The following NBEA variants were observed in gnomAD, a reference collection of about 807,000 sequenced individuals.
The protein encoded by NBEA is neurobeachin, also known as lysosomal-trafficking regulator 2.
In NBEA, 44 loss-of-function variants were observed where a neutral mutation model predicts 343.4. The observed-to-expected ratio is 0.13, with a 90% CI of 0.10 to 0.16. The LOEUF (loss-of-function observed/expected upper bound fraction) is 0.16. Ranked by LOEUF, NBEA falls within the 10% of genes least tolerant of loss-of-function variation. NBEA has a pLI of 1.00. For synonymous variants in NBEA, 1,175 were observed against 1,238.7 expected (o/e 0.95, Z 1.08); for missense variants, 2,555 against 3,631.3 (o/e 0.70, Z 7.62).
chr13:35,368,429 C>G (rs190051889), intron 38 of NBEA, among the ~76,000 whole-genome samples: 1 of 151,364 alleles, frequency 6.6e-6, no homozygotes. Context: ...GAATAAAATA[C>G]CTGTCAGATT....
intron 31 of NBEA, among the ~76,000 whole-genome samples, chr13:35,201,400 A>G (rs994752599): frequency 6.6e-6 from 1 of 152,074 alleles, no homozygotes; most frequent in East Asian, 1.9e-4. Context: ...AGGAAGCATG[A>G]TAGATAACAT....
intron 38 of NBEA, among the ~76,000 whole-genome samples, chr13:35,373,845 C>A (rs2041589526): frequency 1.3e-5 from 2 of 151,872 alleles, no homozygotes; most frequent in African/African-American, 4.8e-5. Flanking sequence ...GAGGAAGAAG[C>A]AAAGGGGTTG....
chr13:35,467,595 A>G (rs1594735913), intron 40 of NBEA, among the ~76,000 whole-genome samples: 1 of 152,096 alleles, frequency 6.6e-6, no homozygotes, highest in Non-Finnish European at 1.5e-5. Context: ...TTACTCCCTT[A>G]TTATATTTTT....
intron 44 of NBEA, among the ~76,000 whole-genome samples, chr13:35,563,790 A>G (rs1230512626): frequency 6.6e-6 from 1 of 152,000 alleles, no homozygotes; most frequent in African/African-American, 2.4e-5. Context: ...AAATATGGCT[A>G]TTGGCATCAT....
At position 35,244,329 on chromosome 13, in the gene NBEA, A is replaced by G. The variant is rs147287215; in HGVS notation, c.5776+11710A>G. Among the ~76,000 whole-genome samples the G allele has an allele frequency of 1.4e-3, 213 of 152,098 alleles. 3 individuals carry two copies. The East Asian group carries it at 0.035, about 25-fold the overall frequency. ...TGAGGATCAAGTTTTATTCTCCTACATGTGAATAGCCAATTATCCCAGCAC... is the reference window on the plus strand; with the variant it reads ...TGAGGATCAAGTTTTATTCTCCTACGTGTGAATAGCCAATTATCCCAGCAC... On this transcript the variant is annotated intron_variant, in intron 34 of 58. Coordinates refer to ENST00000379939, the MANE Select transcript of NBEA (RefSeq NM_001385012.1).
chr13:35,051,556 T>A (rs2063066575), intron 6 of NBEA, among the ~76,000 whole-genome samples: 1 of 152,020 alleles, frequency 6.6e-6, no homozygotes, highest in Non-Finnish European at 1.5e-5. Context: ...TTAACAGTAA[T>A]TCATTAACAT....
At chr13:35,575,671 C>A (rs1205950855) in intron 45 of NBEA, among the ~76,000 whole-genome samples, 1 of 152,098 alleles carries the variant, frequency 6.6e-6, no homozygotes, top group East Asian at 1.9e-4. Context: ...CCCATATAAT[C>A]AGATCACCAT....
At chr13:35,011,574 T>C (rs766929790) in intron 1 of NBEA, among the ~76,000 whole-genome samples, 4 of 152,176 alleles carry the variant, frequency 2.6e-5, no homozygotes, top group African/African-American at 9.7e-5. Flanking sequence ...ATGCAAATCT[T>C]ATTGCTAGCA....
At chr13:35,624,434 C>A (rs1036089521) in intron 48 of NBEA, among the ~76,000 whole-genome samples, 4 of 151,968 alleles carry the variant, frequency 2.6e-5, no homozygotes, top group African/African-American at 4.8e-5. Flanking sequence ...AGAAAATGAT[C>A]TGTATAAATC....
chr13:35,221,805 T>C (rs1334582519), intron 33 of NBEA, among the ~76,000 whole-genome samples: 2 of 152,096 alleles, frequency 1.3e-5, no homozygotes, highest in African/African-American at 4.8e-5. Flanking sequence ...TTCTAAGCTT[T>C]TTTTCCTCTT....
chr13:35,141,473 G>A (rs1356317494), intron 17 of NBEA, among the ~76,000 whole-genome samples: 5 of 152,072 alleles, frequency 3.3e-5, no homozygotes, highest in Non-Finnish European at 1.5e-5. Flanking sequence ...CACCACATTG[G>A]CCAGGCTTGT....
chr13:35,373,172 C>T (rs898472993), intron 38 of NBEA, among the ~76,000 whole-genome samples: 1 of 152,056 alleles, frequency 6.6e-6, no homozygotes, highest in Non-Finnish European at 1.5e-5. Context: ...TCACATCCCT[C>T]TCCTTCCTTG....
chr13:35,102,261 G>C (rs2152645467), intron 11 of NBEA, among the ~76,000 whole-genome samples: 1 of 151,874 alleles, frequency 6.6e-6, no homozygotes, highest in Middle Eastern at 3.4e-3. Flanking sequence ...AGATGACCAT[G>C]TATGACTGGG....
At position 35,208,777 on chromosome 13, in the gene NBEA, G is replaced by A; in HGVS notation, c.5444G>A (p.Ser1815Asn). 1 of 1,611,560 alleles carries A rather than the reference G, an allele frequency of 6.2e-7. No homozygotes were observed. Among genetic ancestry groups the A allele is most frequent in the Non-Finnish European group, 8.5e-7 (1 of 1,178,574 alleles). ...VTTVGATTAG[S>N]GLPTGSTSNI... ...ACTGTGGGAGCCACTACTGCTGGAA[G>A]TGGGCTGCCAACAGGCAGTACCTCT... The change falls in exon 32 of 59, where the codon AGT becomes AAT. Residue 1815 changes from serine to asparagine, a missense_variant. By Grantham distance (46) the Ser-to-Asn change is conservative. Transcript: ENST00000379939.
At chr13:35,572,515 AATT>A (rs1302730092) in intron 45 of NBEA, among the ~76,000 whole-genome samples, 5 of 152,186 alleles carry the variant, frequency 3.3e-5, no homozygotes, top group African/African-American at 1.2e-4. Context: ...CATTTTCCCA[AATT>A]ATTATGCCAC....
At chr13:35,470,636 A>G (rs2075600658) in intron 40 of NBEA, among the ~76,000 whole-genome samples, 2 of 152,174 alleles carry the variant, frequency 1.3e-5, no homozygotes, top group Admixed American at 1.3e-4. Context: ...TAAACCGCAT[A>G]GATTTCTTCA....
chr13:35,460,594 C>T (rs1205600208), intron 40 of NBEA, among the ~76,000 whole-genome samples: 1 of 152,170 alleles, frequency 6.6e-6, no homozygotes, highest in African/African-American at 2.4e-5. Flanking sequence ...AATGTGCAAA[C>T]ATTTTACTGT....
At chr13:34,985,660 G>C (rs909801381) in intron 1 of NBEA, among the ~76,000 whole-genome samples, 1 of 150,736 alleles carries the variant, frequency 6.6e-6, no homozygotes, top group Non-Finnish European at 1.5e-5. Context: ...TTGTGAATCC[G>C]TCTGGTCCTG....
chr13:35,210,392 A>T (rs2073691091), intron 32 of NBEA, among the ~76,000 whole-genome samples: 1 of 152,110 alleles, frequency 6.6e-6, no homozygotes, highest in African/African-American at 2.4e-5. Context: ...GTTATAGTGG[A>T]AATCCCAGTA....
Sources: gnomAD v4.1 joint callset for allele counts (sites outside exome capture counted in the v4.1 genomes callset) on GRCh38, gnomAD v4.1.1 for gene constraint, MANE v1.5 for transcripts, NCBI Gene and HGNC (gene_info 2026-07-23, HGNC 2026-07-21) for gene names.